Variants in STK39 observed in about 807,000 individuals in gnomAD.
STK39 encodes the protein STE20/SPS1-related proline-alanine-rich protein kinase.
In STK39, 20 loss-of-function variants were observed where a neutral mutation model predicts 77.8. The ratio of observed to expected loss-of-function variants is 0.26; its 90% CI spans 0.18 to 0.37. STK39 has a LOEUF of 0.37. Ranked by LOEUF, STK39 falls within the 10% of genes least tolerant of loss-of-function variation. STK39 has a pLI of 1.00. For synonymous variants in STK39, 246 were observed against 234.1 expected, an observed-to-expected ratio of 1.05 and a Z score of -0.47; for missense variants, 479 against 656.5, an observed-to-expected ratio of 0.73 and a Z score of 2.95.
rs371720340 is a variant in STK39, at chr2:168,239,946, T to A, written c.208+7282A>T. Among the ~76,000 whole-genome samples the A allele has an allele frequency of 6.6e-5, 10 of 152,294 alleles. No individual in the cohort carries two copies. In the East Asian group the frequency reaches 1.5e-3, roughly 24 times the overall value. On this transcript the variant is annotated intron_variant, in intron 1 of 17. Transcript: ENST00000355999. Reference sequence around the variant, plus strand: ...TATGAGAAGAGAGGCCCAGTCAGGGTGCTGGTTACATGGTGTGTTCAATTC... The same window carrying A: ...TATGAGAAGAGAGGCCCAGTCAGGGAGCTGGTTACATGGTGTGTTCAATTC...
At chr2:168,007,025 A>G (rs1684149349) in intron 16 of STK39, among the ~76,000 whole-genome samples, 1 of 152,184 alleles carries the variant, frequency 6.6e-6, no homozygotes, top group African/African-American at 2.4e-5. Context: ...GCTCCATAAC[A>G]TATGCTATTG....
intron 10 of STK39, among the ~76,000 whole-genome samples, chr2:168,082,282 A>C (rs1024348446): frequency 5.3e-5 from 8 of 152,160 alleles, no homozygotes; most frequent in Non-Finnish European, 1.0e-4. Flanking sequence ...ACTGATTTTC[A>C]TTCTTCCTTA....
intron 14 of STK39, among the ~76,000 whole-genome samples, chr2:168,032,922 G>A (rs1197793311): frequency 6.6e-6 from 1 of 152,176 alleles, no homozygotes; most frequent in East Asian, 1.9e-4. Flanking sequence ...AGAAGAAGTC[G>A]AGTTGCTGAA....
chr2:168,022,010 T>C (rs981102890), intron 14 of STK39, among the ~76,000 whole-genome samples: 10 of 152,188 alleles, frequency 6.6e-5, no homozygotes, highest in African/African-American at 2.4e-4. Context: ...GATGATAGCA[T>C]AGTATATCCA....
At position 168,167,407 on chromosome 2, in the gene STK39, T is replaced by C. The variant is rs1280232976; in HGVS notation, c.322A>G (p.Lys108Glu). Reference sequence around the variant, plus strand: ...CACTGACTCATGGCTTGAATTTCTTTCTATAAAAAGAGCAAAACATGACAT... The same window carrying C: ...CACTGACTCATGGCTTGAATTTCTTCCTATAAAAAGAGCAAAACATGACAT... Reference protein sequence around the residue: ...KCQTSMDELLKEIQAMSQCSH... With the variant: ...KCQTSMDELLEEIQAMSQCSH... Residue 108 changes from lysine (K) to glutamate (E), a missense_variant and splice_region_variant, in exon 3 of 18, where the codon AAA (lysine) becomes GAA (glutamate). Lys to Glu is a moderately conservative substitution (Grantham distance 56). This residue lies in a region of STK39 where 139 missense variants were observed against 280.6 expected (regional missense o/e 0.50). Transcript: ENST00000355999. The C allele has an allele frequency of 2.5e-6, 4 of 1,613,230 alleles. No individual in the cohort carries two copies. Among genetic ancestry groups the C allele is most frequent in the Non-Finnish European group, 3.4e-6 (4 of 1,179,446 alleles).
At position 168,154,229 on chromosome 2, in the gene STK39, A is replaced by C. The variant is rs150842538; in HGVS notation, c.628+7558T>G. On this transcript the variant is annotated intron_variant, in intron 5 of 17. Transcript: ENST00000355999. ...TCTCCCACTAAAAGAACTGGGAAAG[A>C]CTGTGAGAAGCACAGTTCAGGAGCA... 1.5e-3 allele frequency among the ~76,000 whole-genome samples: 223 copies of C among 152,360 alleles called. 6 individuals carry two copies. The East Asian group carries it at 0.04, about 27-fold the overall frequency.
At chr2:167,989,338 A>T (rs2105279860) in intron 16 of STK39, among the ~76,000 whole-genome samples, 1 of 152,352 alleles carries the variant, frequency 6.6e-6, no homozygotes, top group South Asian at 2.1e-4. Flanking sequence ...TAAGAACATC[A>T]CAAAGTAGAT....
chr2:168,085,647 T>C (rs1318093824), intron 10 of STK39, among the ~76,000 whole-genome samples: 3 of 152,126 alleles, frequency 2.0e-5, no homozygotes, highest in Non-Finnish European at 2.9e-5. Flanking sequence ...ATTTTAGACA[T>C]GGAAGAGATG....
chr2:168,026,198 A>G (rs1306993479), intron 14 of STK39, among the ~76,000 whole-genome samples: 2 of 152,198 alleles, frequency 1.3e-5, no homozygotes, highest in African/African-American at 2.4e-5. Flanking sequence ...AACTACAGGG[A>G]AAAACAATGT....
At chr2:167,984,281 T>A (rs998057507) in intron 16 of STK39, among the ~76,000 whole-genome samples, 30 of 152,196 alleles carry the variant, frequency 2.0e-4, no homozygotes, top group African/African-American at 6.7e-4. Context: ...ATGAGTGCTG[T>A]TGGAGGGGCA....
intron 16 of STK39, among the ~76,000 whole-genome samples, chr2:167,991,581 G>A (rs1683701909): frequency 6.6e-6 from 1 of 152,180 alleles, no homozygotes; most frequent in East Asian, 1.9e-4. Flanking sequence ...TATGAATACA[G>A]TATGTAGGTC....
chr2:168,112,798 T>C (rs943556524), intron 10 of STK39: 1 of 152,138 alleles, frequency 6.6e-6, no homozygotes, highest in Non-Finnish European at 1.5e-5. Context: ...TACAACATAC[T>C]AGAATCAAAT....
chr2:167,957,644 G>A (rs1559032850), intron 17 of STK39, among the ~76,000 whole-genome samples: 1 of 152,136 alleles, frequency 6.6e-6, no homozygotes, highest in Non-Finnish European at 1.5e-5. Flanking sequence ...GCTGCTGGTG[G>A]TGACAAAAAG....
intron 1 of STK39, among the ~76,000 whole-genome samples, chr2:168,237,863 CCATTCCTTCCCCA>C (rs2105274284): frequency 6.6e-6 from 1 of 152,254 alleles, no homozygotes; most frequent in African/African-American, 2.4e-5. Flanking sequence ...CCATGACCTG[CCATTCCTTCCCCA>C]GGAAACCCCG....
At chr2:168,125,370 C>T (rs1028813775) in intron 10 of STK39, among the ~76,000 whole-genome samples, 2 of 152,144 alleles carry the variant, frequency 1.3e-5, no homozygotes, top group Non-Finnish European at 2.9e-5. Context: ...TGGCTGGAGA[C>T]AGGTCCCTCA....
In STK39 at chr2:168,093,140, C is replaced by G. The variant is rs1223314076; in HGVS notation, c.1090-17909G>C. On this transcript the variant is annotated intron_variant, in intron 10 of 17. Transcript: ENST00000355999. Reference sequence around the variant, plus strand: ...CCCATCTTCCAAACAGTCTGTAAGTCAGAAAGCAGGGAGTCAGTCTGAGCT... The same window carrying G: ...CCCATCTTCCAAACAGTCTGTAAGTGAGAAAGCAGGGAGTCAGTCTGAGCT... 3.3e-5 allele frequency among the ~76,000 whole-genome samples: 5 copies of G among 152,210 alleles called. No homozygotes were observed. In the East Asian group the frequency reaches 9.6e-4, roughly 29 times the overall value.
intron 12 of STK39, among the ~76,000 whole-genome samples, chr2:168,068,835 T>C (rs1158728384): frequency 6.6e-6 from 1 of 152,180 alleles, no homozygotes; most frequent in African/African-American, 2.4e-5. Context: ...AGGGAGAAGT[T>C]AAATCTCTCT....
chr2:167,990,831 T>C (rs559877614), intron 16 of STK39, among the ~76,000 whole-genome samples: 1 of 152,340 alleles, frequency 6.6e-6, no homozygotes, highest in African/African-American at 2.4e-5. Flanking sequence ...AACAAATTCC[T>C]GCGTACATGG....
At chr2:167,983,477 AAAGGAAGG>A (rs35073385) in intron 16 of STK39, among the ~76,000 whole-genome samples, 23,831 of 130,416 alleles carry the variant, frequency 0.18, 2,494 homozygotes, top group East Asian at 0.56. Context: ...AAAAGAAATG[AAAGGAAGG>A]AAGGAAGGAA....
Sources: gnomAD v4.1 joint callset for allele counts (sites outside exome capture counted in the v4.1 genomes callset) on GRCh38, gnomAD v4.1.1 for gene constraint, gnomAD v4.1.1 regional missense constraint, MANE v1.5 for transcripts, NCBI Gene and HGNC (gene_info 2026-07-23, HGNC 2026-07-21) for gene names.